The following RARB variants were observed in gnomAD, a reference collection of about 807,000 sequenced individuals.
The protein encoded by RARB is HBV-activated protein.
RARB carries 17 observed loss-of-function variants against 51.9 expected under a neutral mutation model. The ratio of observed to expected loss-of-function variants is 0.33; its 90% CI spans 0.22 to 0.49. RARB has a LOEUF of 0.49. Among genes scored for constraint, RARB ranks in the 20% least tolerant of loss-of-function variants. RARB has a pLI of 0.99. For missense variants in RARB, 369 were observed against 550.8 expected, an observed-to-expected ratio of 0.67 and a Z score of 3.30; for synonymous variants, 215 against 195.4, an observed-to-expected ratio of 1.10 and a Z score of -0.84.
intron 5 of RARB, among the ~76,000 whole-genome samples, chr3:25,309,121 G>C (rs938039397): frequency 6.9e-6 from 1 of 145,524 alleles, no homozygotes; most frequent in Non-Finnish European, 1.5e-5. Context: ...TGCGTGGACT[G>C]TGCCTCCATT....
At chr3:25,540,638 T>C (rs1405498067) in intron 3 of RARB, among the ~76,000 whole-genome samples, 3 of 152,316 alleles carry the variant, frequency 2.0e-5, no homozygotes, top group South Asian at 4.1e-4. Context: ...CACAGCGTCC[T>C]ATAACCACTA....
upstream of RARB, chr3:25,428,245 T>A (rs1178979385): frequency 8.1e-7 from 1 of 1,232,058 alleles, no homozygotes; most frequent in Non-Finnish European, 1.0e-6. Context: ...TATTAGGCAA[T>A]TCAATCTTTC....
At chr3:25,131,782 G>C (rs1699957735) in intron 3 of RARB, among the ~76,000 whole-genome samples, 3 of 151,936 alleles carry the variant, frequency 2.0e-5, no homozygotes, top group Non-Finnish European at 4.4e-5. Context: ...TGCCAAGATT[G>C]ATAGTTCTTC....
intron 2 of RARB, among the ~76,000 whole-genome samples, chr3:24,892,633 G>A (rs1302530311): frequency 6.6e-6 from 1 of 152,126 alleles, no homozygotes; most frequent in Non-Finnish European, 1.5e-5. Context: ...CTCCTGGAAT[G>A]CAAGAACTCT....
At chr3:24,888,858 G>T (rs1003718457) in intron 2 of RARB, among the ~76,000 whole-genome samples, 1 of 152,160 alleles carries the variant, frequency 6.6e-6, no homozygotes, top group African/African-American at 2.4e-5. Context: ...TGTGCAAAGA[G>T]ATTTTGCCTC....
chr3:25,239,924 A>G (rs1702390013), intron 5 of RARB, among the ~76,000 whole-genome samples: 1 of 152,180 alleles, frequency 6.6e-6, no homozygotes, highest in Admixed American at 6.5e-5. Flanking sequence ...ATCCACGAGC[A>G]TAGATGCCTT....
At chr3:25,418,997 C>G (rs1279581193) in intron 5 of RARB, among the ~76,000 whole-genome samples, 2 of 148,662 alleles carry the variant, frequency 1.3e-5, no homozygotes, top group Admixed American at 6.7e-5. Context: ...TTATGTGACA[C>G]AAGAGCCCGT....
chr3:25,128,555 T>C (rs1273103730), intron 3 of RARB, among the ~76,000 whole-genome samples: 2 of 151,466 alleles, frequency 1.3e-5, no homozygotes, highest in Non-Finnish European at 2.9e-5. Flanking sequence ...TCCTACACAA[T>C]TCCAGGAGGC....
chr3:24,912,950 G>A (rs1695020871), intron 2 of RARB, among the ~76,000 whole-genome samples: 1 of 132,240 alleles, frequency 7.6e-6, no homozygotes, highest in East Asian at 2.2e-4. Flanking sequence ...ATCTAAAGTG[G>A]CAATACGCAC....
At chr3:25,010,126 C>CT (rs376715415) in intron 2 of RARB, among the ~76,000 whole-genome samples, 52 of 138,272 alleles carry the variant, frequency 3.8e-4, no homozygotes, top group African/African-American at 1.6e-3. Context: ...TGGGTCCCAA[C>CT]TTTTTTTTAT....
intron 5 of RARB, among the ~76,000 whole-genome samples, chr3:25,191,137 G>T (rs1455165146): frequency 1.3e-5 from 2 of 151,990 alleles, no homozygotes; most frequent in East Asian, 3.9e-4. Flanking sequence ...TATTAAAAGG[G>T]CATTTTAGTC....
chr3:25,280,429 T>A (rs912979008), intron 5 of RARB, among the ~76,000 whole-genome samples: 1 of 152,070 alleles, frequency 6.6e-6, no homozygotes, highest in African/African-American at 2.4e-5. Context: ...TAATTTGGGG[T>A]AGCATGTCCT....
chr3:25,513,925 T>C (rs879357618), intron 3 of RARB, among the ~76,000 whole-genome samples: 3 of 152,228 alleles, frequency 2.0e-5, no homozygotes, highest in Admixed American at 2.0e-4. Flanking sequence ...AGCTATTTTT[T>C]ATTCTGCTTT....
intron 5 of RARB, among the ~76,000 whole-genome samples, chr3:25,403,446 AAAAC>A (rs892499500): frequency 6.6e-6 from 1 of 152,166 alleles, no homozygotes; most frequent in African/African-American, 2.4e-5. Context: ...AATAAAACCC[AAAAC>A]AAACAAAAAA....
intron 2 of RARB, among the ~76,000 whole-genome samples, chr3:24,932,319 C>G (rs1185580397): frequency 6.6e-6 from 1 of 151,960 alleles, no homozygotes; most frequent in East Asian, 1.9e-4. Flanking sequence ...AGCTCCCCAG[C>G]ACCAGAATGG....
chr3:25,180,210 C>T (rs1321674418), intron 5 of RARB, among the ~76,000 whole-genome samples: 1 of 151,892 alleles, frequency 6.6e-6, no homozygotes, highest in African/African-American at 2.4e-5. Context: ...AAGGACATGA[C>T]TGAAAGAATA....
At chr3:25,070,244 C>G (rs1018390718) in intron 3 of RARB, among the ~76,000 whole-genome samples, 1 of 152,170 alleles carries the variant, frequency 6.6e-6, no homozygotes, top group African/African-American at 2.4e-5. Flanking sequence ...CCACCCTACT[C>G]CAGTGTTATC....
intron 3 of RARB, among the ~76,000 whole-genome samples, chr3:25,093,561 G>A (rs1052008438): frequency 6.6e-6 from 1 of 152,130 alleles, no homozygotes; most frequent in Non-Finnish European, 1.5e-5. Context: ...GATGAGATGA[G>A]CCTGAATTCT....
chr3:24,991,448 A>AAAAAAG (rs561018089), intron 2 of RARB, among the ~76,000 whole-genome samples: 37 of 151,396 alleles, frequency 2.4e-4, no homozygotes, highest in East Asian at 9.7e-4. Context: ...TGTCTCAAAA[A>AAAAAAG]AAAAAGAAAA....
Sources: gnomAD v4.1 joint callset for allele counts (sites outside exome capture counted in the v4.1 genomes callset) on GRCh38, gnomAD v4.1.1 for gene constraint, MANE v1.5 for transcripts, NCBI Gene and HGNC (gene_info 2026-07-23, HGNC 2026-07-21) for gene names.